Variants in RNGTT observed in about 807,000 individuals in gnomAD.
The protein encoded by RNGTT is RNA guanylyltransferase and 5'-phosphatase.
In RNGTT, 33 loss-of-function variants were observed where a neutral mutation model predicts 79.3. The ratio of observed to expected loss-of-function variants is 0.42; its 90% CI spans 0.32 to 0.56. The LOEUF (loss-of-function observed/expected upper bound fraction) is 0.56, where lower values mean the gene tolerates loss of function less well. Ranked by LOEUF, RNGTT falls within the 20% of genes least tolerant of loss-of-function variation. The pLI, the probability that RNGTT is intolerant of heterozygous loss-of-function variation, is 0.17. For missense variants in RNGTT, 497 were observed against 739.1 expected, an observed-to-expected ratio of 0.67 and a Z score of 3.80; for synonymous variants, 222 against 235.9, an observed-to-expected ratio of 0.94 and a Z score of 0.54.
chr6:88,858,538 C>A (rs1781910292), intron 8 of RNGTT, among the ~76,000 whole-genome samples: 1 of 152,146 alleles, frequency 6.6e-6, no homozygotes, highest in African/African-American at 2.4e-5. Flanking sequence ...ACTTACTGAG[C>A]AATTACTATG....
chr6:88,956,805 G>A (rs1390872145), intron 1 of RNGTT, among the ~76,000 whole-genome samples: 2 of 152,150 alleles, frequency 1.3e-5, no homozygotes, highest in Non-Finnish European at 2.9e-5. Flanking sequence ...TCAGGAGGCC[G>A]AGGTGGGTGA....
chr6:88,665,220 T>G (rs1774353283), intron 14 of RNGTT, among the ~76,000 whole-genome samples: 1 of 152,030 alleles, frequency 6.6e-6, no homozygotes, highest in Admixed American at 6.6e-5. Flanking sequence ...GGCCCAGTGG[T>G]GGCCAAAAGT....
In RNGTT at chr6:88,791,566, G is replaced by C. The variant is rs564485683; in HGVS notation, c.1338+9998C>G. ...TTTATTTATTTTTTTTTGAGACAGA[G>C]TCTGGCTCTGACGCCCAGGCTGGAG... On this transcript the variant is annotated intron_variant, in intron 12 of 15. Coordinates refer to ENST00000369485, the MANE Select transcript of RNGTT (RefSeq NM_003800.5). Among the ~76,000 whole-genome samples, 5 of 151,986 alleles carry C rather than the reference G, an allele frequency of 3.3e-5. No homozygotes were observed. In the East Asian group the frequency reaches 9.6e-4, roughly 29 times the overall value.
intron 14 of RNGTT, among the ~76,000 whole-genome samples, chr6:88,642,504 T>A (rs147462871): frequency 6.6e-6 from 1 of 152,234 alleles, no homozygotes; most frequent in African/African-American, 2.4e-5. Flanking sequence ...GACATTTCTA[T>A]AGAGGTTCTT....
intron 14 of RNGTT, among the ~76,000 whole-genome samples, chr6:88,675,976 G>C (rs1411347293): frequency 1.3e-5 from 2 of 152,150 alleles, no homozygotes; most frequent in African/African-American, 4.8e-5. Flanking sequence ...TAAAATTTCA[G>C]TTCTCTGCAA....
chr6:88,838,320 T>C (rs1020950671), intron 11 of RNGTT, among the ~76,000 whole-genome samples: 3 of 152,142 alleles, frequency 2.0e-5, no homozygotes, highest in Non-Finnish European at 4.4e-5. Context: ...AAGGGAAAAG[T>C]AGCACCTTTT....
Position 88,678,404 on chromosome 6 carries a change from A to G in RNGTT, c.1455T>C (p.Asn485=). Residue 485 remains asparagine, a synonymous_variant, in exon 14 of 16, where the codon AAT becomes AAC. Transcript: ENST00000369485. ...RMGGEGLLPQ[N]VGLLYVGGYE... is the part of the protein sequence containing the mutation. ...AACCTCCAACATACAGGAGGCCAAC[A>G]TTCTGAGGAAGTAACCTACAAAGAA... 2.1e-6 allele frequency: 3 copies of G among 1,431,788 alleles called. No homozygotes were observed. The highest frequency in any genetic ancestry group is 2.8e-6 in the Non-Finnish European group (3 of 1,082,342). 88.7% of individuals were successfully genotyped at this position (1,431,788 alleles called of 1,614,324 possible).
chr6:88,810,864 C>T (rs1279172670), intron 11 of RNGTT, among the ~76,000 whole-genome samples: 4 of 152,192 alleles, frequency 2.6e-5, no homozygotes, highest in Non-Finnish European at 5.9e-5. Context: ...ATAGATATTT[C>T]CTGACTGCCT....
intron 13 of RNGTT, among the ~76,000 whole-genome samples, chr6:88,731,938 T>TA (rs1421193725): frequency 9.9e-5 from 15 of 152,238 alleles, no homozygotes; most frequent in Non-Finnish European, 1.5e-4. Flanking sequence ...AAGAAAATGT[T>TA]AAAAAATCAT....
rs114874229 is a variant in RNGTT at position 88,915,525 on chromosome 6, C to T, written c.368-9085G>A. 5.6e-3 allele frequency among the ~76,000 whole-genome samples: 850 copies of T among 152,230 alleles called. 11 individuals are homozygous for T. Among genetic ancestry groups the T allele is most frequent in the African/African-American group, 0.02 (827 of 41,540 alleles). ...GAGAATTAACGCAGAAACAGAAAAC[C>T]ACCTATCACATGTTCTCACTTATAA... On this transcript the variant is annotated intron_variant, in intron 4 of 15. Coordinates refer to ENST00000369485, the MANE Select transcript of RNGTT (RefSeq NM_003800.5).
chr6:88,916,094 T>C (rs1330118745), intron 4 of RNGTT, among the ~76,000 whole-genome samples: 1 of 152,102 alleles, frequency 6.6e-6, no homozygotes, highest in African/African-American at 2.4e-5. Context: ...TAGCTAAAAT[T>C]GAAAAGAGTG....
chr6:88,738,363 T>C (rs1468313653), intron 13 of RNGTT, among the ~76,000 whole-genome samples: 1 of 152,152 alleles, frequency 6.6e-6, no homozygotes, highest in Non-Finnish European at 1.5e-5. Flanking sequence ...GTATTCTAGA[T>C]GGGATCCTGG....
chr6:88,689,676 T>C (rs141506155), intron 13 of RNGTT, among the ~76,000 whole-genome samples: 7 of 151,510 alleles, frequency 4.6e-5, no homozygotes, highest in Non-Finnish European at 5.9e-5. Flanking sequence ...TTTATCTTAA[T>C]ACATGAAAAA....
intron 11 of RNGTT, among the ~76,000 whole-genome samples, chr6:88,827,420 C>T (rs763682647): frequency 3.9e-5 from 6 of 152,190 alleles, no homozygotes; most frequent in South Asian, 2.1e-4. Flanking sequence ...CCTCGGATGC[C>T]TACGCCACCA....
intron 12 of RNGTT, among the ~76,000 whole-genome samples, chr6:88,770,289 T>C (rs955344156): frequency 5.3e-5 from 8 of 152,312 alleles, no homozygotes; most frequent in Non-Finnish European, 1.0e-4. Flanking sequence ...ATTTCAAGGA[T>C]GTGAAAAAAT....
chr6:88,936,367 T>C (rs1784665594), intron 2 of RNGTT, among the ~76,000 whole-genome samples: 1 of 151,874 alleles, frequency 6.6e-6, no homozygotes, highest in African/African-American at 2.4e-5. Context: ...CCAATTTGGG[T>C]GCCTTTTATT....
intron 10 of RNGTT, among the ~76,000 whole-genome samples, chr6:88,845,828 T>C (rs1010769469): frequency 2.0e-5 from 3 of 152,212 alleles, no homozygotes; most frequent in African/African-American, 7.2e-5. Context: ...AGGATATTTA[T>C]TGGGGAAATG....
At chr6:88,797,121 C>T (rs148273904) in intron 12 of RNGTT, among the ~76,000 whole-genome samples, 359 of 152,206 alleles carry the variant, frequency 2.4e-3, no homozygotes, top group African/African-American at 8.0e-3. Context: ...CTGAAACTTA[C>T]GTGTTAAACA....
intron 14 of RNGTT, among the ~76,000 whole-genome samples, chr6:88,662,731 T>A (rs193066247): frequency 6.6e-6 from 1 of 152,214 alleles, no homozygotes; most frequent in Non-Finnish European, 1.5e-5. Context: ...GGGAGCACTC[T>A]CGCGTAGGCA....
Sources: gnomAD v4.1 joint callset for allele counts (sites outside exome capture counted in the v4.1 genomes callset) on GRCh38, gnomAD v4.1.1 for gene constraint, MANE v1.5 for transcripts, NCBI Gene and HGNC (gene_info 2026-07-23, HGNC 2026-07-21) for gene names.